The following RALGPS2 variants were observed in gnomAD, a reference collection of about 807,000 sequenced individuals.
RALGPS2 encodes the protein Ral GEF with PH domain and SH3 binding motif 2.
A neutral mutation model predicts 86.8 loss-of-function variants in RALGPS2; 43 were observed. That is an observed-to-expected ratio of 0.50 (90% CI 0.39 to 0.64). RALGPS2 has a LOEUF of 0.64. Among genes scored for constraint, RALGPS2 ranks in the 30% least tolerant of loss-of-function variants. RALGPS2 has a pLI of 0.00. For missense variants in RALGPS2, 536 were observed against 694.6 expected, an observed-to-expected ratio of 0.77 and a Z score of 2.57; for synonymous variants, 243 against 231.3, an observed-to-expected ratio of 1.05 and a Z score of -0.46.
chr1:178,859,826 C>T (rs918440812), intron 8 of RALGPS2, among the ~76,000 whole-genome samples: 2 of 85,328 alleles, frequency 2.3e-5, no homozygotes, highest in African/African-American at 4.1e-5. Context: ...GCCCGCCCCC[C>T]CCCCCCCAAC....
At chr1:178,883,327 T>G (rs142800622) in intron 10 of RALGPS2, 139 bp from the exon 11 acceptor site, 12 of 622,748 alleles carry the variant, frequency 1.9e-5, no homozygotes, top group Middle Eastern at 4.4e-4. Flanking sequence ...AGAAGAAGAT[T>G]GCTCTTGAAG....
At chr1:178,736,614 A>G (rs1355534633) in intron 1 of RALGPS2, among the ~76,000 whole-genome samples, 1 of 152,166 alleles carries the variant, frequency 6.6e-6, no homozygotes. Context: ...AAAAGTGTAT[A>G]GAGTCAGGTG....
chr1:178,734,122 T>C (rs561562974), intron 1 of RALGPS2, among the ~76,000 whole-genome samples: 1 of 152,326 alleles, frequency 6.6e-6, no homozygotes, highest in African/African-American at 2.4e-5. Context: ...TGCTCGACAT[T>C]ATTAGCTATC....
intron 19 of RALGPS2, among the ~76,000 whole-genome samples, chr1:178,908,596 G>T (rs1160801994): frequency 6.6e-6 from 1 of 151,974 alleles, no homozygotes; most frequent in Non-Finnish European, 1.5e-5. Context: ...GTTATTTTTT[G>T]ACTTAGCCAT....
At chr1:178,759,152 A>G (rs1295011576) in intron 1 of RALGPS2, among the ~76,000 whole-genome samples, 5 of 152,140 alleles carry the variant, frequency 3.3e-5, no homozygotes, top group Non-Finnish European at 5.9e-5. Flanking sequence ...TCCCAGACCA[A>G]TGCTCTGGAG....
At chr1:178,889,614 T>TA in intron 13 of RALGPS2, 28 bp from the exon 14 acceptor site, 1 of 1,522,820 alleles carries the variant, frequency 6.6e-7, no homozygotes. Context: ...TTCTGATGTT[T>TA]AAAAAATAGG....
intron 1 of RALGPS2, among the ~76,000 whole-genome samples, chr1:178,772,473 T>C (rs1385670602): frequency 6.6e-6 from 1 of 152,234 alleles, no homozygotes; most frequent in Non-Finnish European, 1.5e-5. Context: ...CTCTTGTCTA[T>C]TAGGATTACT....
At chr1:178,879,103 C>T (rs943438177) in intron 10 of RALGPS2, 111 bp downstream of exon 10, 8 of 1,436,054 alleles carry the variant, frequency 5.6e-6, no homozygotes, top group Non-Finnish European at 6.4e-6. Flanking sequence ...AAGGACTAAT[C>T]CAGTGGTTTA....
chr1:178,745,056 A>G (rs996980591), intron 1 of RALGPS2, among the ~76,000 whole-genome samples: 2 of 152,198 alleles, frequency 1.3e-5, no homozygotes, highest in Non-Finnish European at 2.9e-5. Context: ...TACTATTGAT[A>G]ATAGTATCAG....
intron 4 of RALGPS2, among the ~76,000 whole-genome samples, chr1:178,804,513 T>G: frequency 7.1e-6 from 1 of 140,108 alleles, no homozygotes; most frequent in African/African-American, 2.7e-5. Context: ...CACCTATGAG[T>G]GAGAATATGC....
intron 2 of RALGPS2, among the ~76,000 whole-genome samples, chr1:178,782,221 G>A (rs1653428265): frequency 6.6e-6 from 1 of 152,112 alleles, no homozygotes; most frequent in African/African-American, 2.4e-5. Flanking sequence ...GTGTGGACTA[G>A]CTTGAAAGTT....
At chr1:178,746,555 C>G in intron 1 of RALGPS2, 2 of 623,422 alleles carry the variant, frequency 3.2e-6, no homozygotes, top group South Asian at 3.3e-5. Context: ...ACTTTGTAAA[C>G]AAACAACTGT....
rs549293493 is a variant in RALGPS2 at position 178,762,853 on chromosome 1, G to A, written c.-83-13829G>A. On this transcript the variant is annotated intron_variant, in intron 1 of 19. Transcript: ENST00000367635. Reference sequence around the variant, plus strand: ...GTGCAGAAGCTCCTTAGTTTAATTGGGTCTCATTTGTCAGTTTTTGTTGCA... The same window carrying A: ...GTGCAGAAGCTCCTTAGTTTAATTGAGTCTCATTTGTCAGTTTTTGTTGCA... 3.1e-3 allele frequency among the ~76,000 whole-genome samples: 467 copies of A among 152,066 alleles called. 4 individuals are homozygous for A. Among genetic ancestry groups the A allele is most frequent in the African/African-American group, 0.01 (432 of 41,488 alleles).
chr1:178,808,689 A>G (rs903825298), intron 5 of RALGPS2, among the ~76,000 whole-genome samples: 1 of 152,046 alleles, frequency 6.6e-6, no homozygotes, highest in African/African-American at 2.4e-5. Flanking sequence ...GAGGGAATAC[A>G]TTATTCTAAG....
At chr1:178,831,056 A>G (rs1655994398) in intron 7 of RALGPS2, among the ~76,000 whole-genome samples, 2 of 152,244 alleles carry the variant, frequency 1.3e-5, no homozygotes, top group Non-Finnish European at 2.9e-5. Flanking sequence ...ATTGCCAAAG[A>G]CTAAAAATGA....
intron 8 of RALGPS2, among the ~76,000 whole-genome samples, chr1:178,838,869 A>G (rs1318259307): frequency 6.6e-6 from 1 of 152,268 alleles, no homozygotes; most frequent in Admixed American, 6.5e-5. Context: ...TGACACATGC[A>G]CAAGCTTCAG....
intron 1 of RALGPS2, among the ~76,000 whole-genome samples, chr1:178,767,358 CTTTTTTT>C (rs1159630163): frequency 2.8e-5 from 2 of 70,432 alleles, no homozygotes; most frequent in East Asian, 5.3e-4. Context: ...TGTCCTTTGG[CTTTTTTT>C]TTTTTTTTTT....
chr1:178,732,818 T>C (rs1028483478), intron 1 of RALGPS2, among the ~76,000 whole-genome samples: 2 of 152,136 alleles, frequency 1.3e-5, no homozygotes, highest in Non-Finnish European at 2.9e-5. Context: ...ATTAATCTGT[T>C]AATAGGATGT....
At chr1:178,750,143 A>G (rs1022652060) in intron 1 of RALGPS2, among the ~76,000 whole-genome samples, 1 of 152,200 alleles carries the variant, frequency 6.6e-6, no homozygotes, top group African/African-American at 2.4e-5. Context: ...TACTTTCTGA[A>G]GTAGAATCTA....
Sources: gnomAD v4.1 joint callset for allele counts (sites outside exome capture counted in the v4.1 genomes callset) on GRCh38, gnomAD v4.1.1 for gene constraint, MANE v1.5 for transcripts, NCBI Gene and HGNC (gene_info 2026-07-23, HGNC 2026-07-21) for gene names.